RAB44: variants seen among roughly 807,000 people sequenced by gnomAD.
RAB44 encodes the protein ras-related protein Rab-44.
RAB44 carries 67 observed loss-of-function variants against 93.3 expected under a neutral mutation model. The ratio of observed to expected loss-of-function variants is 0.72; its 90% CI spans 0.59 to 0.88. The LOEUF (loss-of-function observed/expected upper bound fraction) is 0.88, where lower values mean the gene tolerates loss of function less well. RAB44 is among the 40% of genes least tolerant of loss of function. RAB44 has a pLI of 0.00. For missense variants in RAB44, 1,064 were observed against 1,261.7 expected, an observed-to-expected ratio of 0.84 and a Z score of 2.37; for synonymous variants, 427 against 520.3, an observed-to-expected ratio of 0.82 and a Z score of 2.44.
At chr6:36,705,918 G>A (rs916876535) in intron 2 of RAB44, among the ~76,000 whole-genome samples, 1 of 148,220 alleles carries the variant, frequency 6.7e-6, no homozygotes, top group African/African-American at 2.5e-5. Context: ...TTTTTTTTAA[G>A]AGATAGGATC....
chr6:36,720,683 G>A, intron 8 of RAB44, 133 bp downstream of exon 8: 1 of 702,724 alleles, frequency 1.4e-6, no homozygotes, highest in Admixed American at 4.3e-5. Context: ...CCCACCCTCT[G>A]CCAAGCTGGA....
At position 36,731,927 on chromosome 6, in the gene RAB44, C is replaced by G. The variant is rs540347281; in HGVS notation, c.2976-76C>G. On this transcript the variant is annotated intron_variant, in intron 13 of 13. Coordinates refer to ENST00000612677, the MANE Select transcript of RAB44 (RefSeq NM_001257357.2). The surrounding 1 kb of genome is among the most constrained non-coding windows in gnomAD (Gnocchi z 4.0). ...GTTGTGGGTGCGGCCTCCCACCCCC[C>G]AGCTGCACCCATGGGCCCATCCGTG... 3.7e-5 allele frequency: 37 copies of G among 989,106 alleles called. No homozygotes were observed. The highest frequency in any genetic ancestry group is 3.6e-4 in the Middle Eastern group (1 of 2,792). 61.3% of individuals were successfully genotyped at this position (989,106 alleles called of 1,614,324 possible).
At chr6:36,724,796 C>T (rs183658877) in intron 9 of RAB44, among the ~76,000 whole-genome samples, 8 of 152,282 alleles carry the variant, frequency 5.3e-5, no homozygotes, top group Admixed American at 3.3e-4. Flanking sequence ...TGCTGCCCCC[C>T]GGTGGCTATC....
chr6:36,715,464 A>T lies in RAB44; in HGVS notation c.320-15A>T, dbSNP rs2150332585. 1 of 1,535,898 alleles carries T rather than the reference A, an allele frequency of 6.5e-7. No individual in the cohort carries two copies. Among genetic ancestry groups the T allele is most frequent in the Non-Finnish European group, 8.7e-7 (1 of 1,146,772 alleles). ...AACACCACTGTGCTCCCCTCTGTCC[A>T]CTTCTGTCCCACAGAAAACATCTTT... On this transcript the variant is annotated splice_polypyrimidine_tract_variant and intron_variant, in intron 3 of 13. Coordinates refer to ENST00000612677, the MANE Select transcript of RAB44 (RefSeq NM_001257357.2).
chr6:36,723,836 C>CAAATAAAAAAAAAA (rs1763162003), intron 9 of RAB44, among the ~76,000 whole-genome samples: 1 of 64,624 alleles, frequency 1.5e-5, no homozygotes, highest in Admixed American at 1.9e-4. Context: ...TTCCGTCTCC[C>CAAATAAAAAAAAAA]AAAAAAAAAA....
At chr6:36,711,484 T>G (rs935967219) in intron 2 of RAB44, among the ~76,000 whole-genome samples, 1 of 152,336 alleles carries the variant, frequency 6.6e-6, no homozygotes, top group South Asian at 2.1e-4. Context: ...GTCTAATTTG[T>G]TCAAAGAATC....
At chr6:36,715,064 C>G (rs1211749596) in intron 3 of RAB44, among the ~76,000 whole-genome samples, 3 of 151,142 alleles carry the variant, frequency 2.0e-5, no homozygotes, top group African/African-American at 4.9e-5. Context: ...GGAAATTACC[C>G]TGCATATTCC....
rs933526324 is a variant in RAB44, at chr6:36,727,750, C to T, written c.2796+59C>T. ...CCTCCAGTCAAGAGGGATCTTATAT[C>T]CTGCCCACTCCCTCTTTTCTCCCAG... On this transcript the variant is annotated intron_variant, in intron 11 of 13. Coordinates refer to ENST00000612677, the MANE Select transcript of RAB44 (RefSeq NM_001257357.2). The T allele has an allele frequency of 1.9e-5, 19 of 1,007,650 alleles. No homozygotes were observed. The African/African-American group carries it at 2.7e-4, about 14-fold the overall frequency. The allele number at this position is 1,007,650 out of a possible 1,614,324, so 62.4% of individuals were successfully genotyped here.
At chr6:36,716,135 A>G (rs993095425) in intron 4 of RAB44, among the ~76,000 whole-genome samples, 8 of 152,236 alleles carry the variant, frequency 5.3e-5, no homozygotes, top group South Asian at 2.1e-4. Flanking sequence ...CCTCCCATCC[A>G]TCTCAGGCTC....
In RAB44 at chr6:36,722,139, G is replaced by A. The variant is rs1166410634; in HGVS notation, c.2005G>A (p.Glu669Lys). The change falls in exon 9 of 14, where the codon GAG becomes AAG. Residue 669 changes from glutamate (E) to lysine (K), a missense_variant. Coordinates refer to ENST00000612677, the MANE Select transcript of RAB44 (RefSeq NM_001257357.2). ...TGAGCTGTCTGCCTTCCCCCACCAG[G>A]AGCTGGAAGAGGAACCCAGGTCTGA... ...LGELSAFPHQ[E>K]LEEEPRSEEG... The A allele has an allele frequency of 2.0e-5, 25 of 1,236,462 alleles. No individual in the cohort carries two copies. Among genetic ancestry groups the A allele is most frequent in the Non-Finnish European group, 2.4e-5 (24 of 989,752 alleles). The allele number at this position is 1,236,462 out of a possible 1,614,324, so 76.6% of individuals were successfully genotyped here.
At chr6:36,709,617 G>A (rs1057400233) in intron 2 of RAB44, among the ~76,000 whole-genome samples, 5 of 152,106 alleles carry the variant, frequency 3.3e-5, no homozygotes, top group Non-Finnish European at 7.4e-5. Flanking sequence ...GTGCAGTGGC[G>A]CAATCTCAGC....
At position 36,722,049 on chromosome 6, in the gene RAB44, C is replaced by T; in HGVS notation, c.1915C>T (p.Pro639Ser). The T allele has an allele frequency of 8.1e-7, 1 of 1,234,750 alleles. No individual in the cohort carries two copies. The highest frequency in any genetic ancestry group is 1.0e-6 in the Non-Finnish European group (1 of 988,536). 76.5% of individuals were successfully genotyped at this position (1,234,750 alleles called of 1,614,324 possible). A position where few individuals can be genotyped will look rare whatever the true frequency, so the allele number is the denominator to read the frequency against. Residue 639 changes from proline (P) to serine (S), a missense_variant, in exon 9 of 14, where the codon CCA becomes TCA. Transcript: ENST00000612677. ...GAGGCTGGAGCAGGGCCAGGCGGGCCCAGCGGTGCAGGAGGGCCTTCCTGA... is the reference window on the plus strand; with the variant it reads ...GAGGCTGGAGCAGGGCCAGGCGGGCTCAGCGGTGCAGGAGGGCCTTCCTGA... ...TERLEQGQAGPAVQEGLPEGL... is the reference protein window; with the variant it reads ...TERLEQGQAGSAVQEGLPEGL...
At position 36,704,023 on chromosome 6, in the gene RAB44, A is replaced by T. The variant is rs141981111; in HGVS notation, c.-12-201A>T. 7.9e-3 allele frequency among the ~76,000 whole-genome samples: 1,205 copies of T among 152,308 alleles called. 7 individuals are homozygous for T. The highest frequency in any genetic ancestry group is 0.014 in the Middle Eastern group (4 of 294). On this transcript the variant is annotated intron_variant, in intron 1 of 13. Transcript: ENST00000612677. ...CAGGTAGAGGGAACTTAGAAAGGGC[A>T]AAGGCGTTGAGCAGAATGGACGAGA... is the stretch of plus-strand genomic sequence containing the variant.
At chr6:36,707,967 T>C (rs1762690071) in intron 2 of RAB44, among the ~76,000 whole-genome samples, 1 of 152,126 alleles carries the variant, frequency 6.6e-6, no homozygotes, top group African/African-American at 2.4e-5. Flanking sequence ...TACCAGGACT[T>C]TGGGAGGCTG....
At chr6:36,703,360 G>A (rs538422612) in intron 1 of RAB44, among the ~76,000 whole-genome samples, 2 of 152,324 alleles carry the variant, frequency 1.3e-5, no homozygotes, top group African/African-American at 4.8e-5. Flanking sequence ...CCATAGCAGG[G>A]TTGCAGACAA....
chr6:36,727,573 G>A lies in RAB44; in HGVS notation c.2682-4G>A. 6.5e-7 allele frequency: 1 copy of A among 1,548,840 alleles called. No individual in the cohort carries two copies. The highest frequency in any genetic ancestry group is 1.2e-5 in the South Asian group (1 of 84,024). On this transcript the variant is annotated splice_polypyrimidine_tract_variant and splice_region_variant and intron_variant, in intron 10 of 13. Coordinates refer to ENST00000612677, the MANE Select transcript of RAB44 (RefSeq NM_001257357.2). The stretch of plus-strand genomic sequence containing the variant: ...GTGTGGCCTCATGCAGACTCTCTGG[G>A]CAGGTACCACAGTATGACGCGACAG...
In RAB44 at chr6:36,722,238, G is replaced by A. The variant is rs147665857; in HGVS notation, c.2104G>A (p.Gly702Ser). Residue 702 changes from glycine to serine, a missense_variant, in exon 9 of 14, where the codon GGC becomes AGC. Transcript: ENST00000612677. Reference sequence around the variant, plus strand: ...GTCAGAGCAGTCGGTTGAGGCTCACGGCCTAGAAACTGCGCATTCGGAACT... The same window carrying A: ...GTCAGAGCAGTCGGTTGAGGCTCACAGCCTAGAAACTGCGCATTCGGAACT... ...EQSEQSVEAH[G>S]LETAHSELPQ... The A allele has an allele frequency of 1.6e-4, 204 of 1,263,980 alleles. 1 individual carries two copies. The African/African-American group carries it at 2.3e-3, about 14-fold the overall frequency. 78.3% of individuals were successfully genotyped at this position (1,263,980 alleles called of 1,614,324 possible). A position where few individuals can be genotyped will look rare whatever the true frequency, so the allele number is the denominator to read the frequency against.
chr6:36,716,605 A>G (rs914633611), intron 4 of RAB44, among the ~76,000 whole-genome samples: 4 of 151,674 alleles, frequency 2.6e-5, no homozygotes, highest in African/African-American at 9.7e-5. Context: ...TGCCCCACCC[A>G]TGGGGTTCTG....
At position 36,717,396 on chromosome 6, in the gene RAB44, G is replaced by A. The variant is rs1762948475; in HGVS notation, c.618G>A (p.Glu206=). ...SRLQEAQADK[E]ALELTLRKRD... is the part of the protein sequence containing the mutation. ...TGCAGGAGGCCCAGGCGGACAAGGA[G>A]GCCCTGGAGCTGACCCTGAGGAAGT... The change falls in exon 5 of 14, where the codon GAG becomes GAA. Residue 206 remains glutamate (E), a synonymous_variant. Coordinates refer to ENST00000612677, the MANE Select transcript of RAB44 (RefSeq NM_001257357.2). This position sits in a 1 kb window ranked among gnomAD's most constrained non-coding sequence, Gnocchi z 4.1. 8.1e-6 allele frequency: 10 copies of A among 1,232,142 alleles called. 1 individual carries two copies. In the South Asian group the frequency reaches 3.7e-4, roughly 46 times the overall value. The allele number at this position is 1,232,142 out of a possible 1,614,324, so 76.3% of individuals were successfully genotyped here. A position where few individuals can be genotyped will look rare whatever the true frequency, so the allele number is the denominator to read the frequency against.
Sources: allele counts gnomAD v4.1 joint callset (sites outside exome capture counted in the v4.1 genomes callset), GRCh38; gene constraint gnomAD v4.1.1; non-coding constraint Gnocchi (gnomAD v3.1); transcripts MANE v1.5; gene names NCBI Gene and HGNC (gene_info 2026-07-23, HGNC 2026-07-21).